Variants in FOXP1 observed in about 807,000 individuals in gnomAD.
The protein encoded by FOXP1 is forkhead box P1.
In FOXP1, 15 loss-of-function variants were observed where a neutral mutation model predicts 98.2. The ratio of observed to expected loss-of-function variants is 0.15; its 90% CI spans 0.10 to 0.24. The LOEUF is 0.24. FOXP1 is among the 10% of genes least tolerant of loss of function. FOXP1 has a pLI of 1.00. For missense variants in FOXP1, 633 were observed against 848.5 expected (o/e 0.75, Z 3.15); for synonymous variants, 371 against 314.5 (o/e 1.18, Z -1.90).
At chr3:71,379,688 T>C (rs2079996629) in intron 3 of FOXP1, among the ~76,000 whole-genome samples, 1 of 152,216 alleles carries the variant, frequency 6.6e-6, no homozygotes, top group Non-Finnish European at 1.5e-5. Context: ...TGTCCATAAA[T>C]GGAGTTTTGT....
chr3:71,189,213 A>C (rs551245934), intron 6 of FOXP1, among the ~76,000 whole-genome samples: 60 of 152,212 alleles, frequency 3.9e-4, no homozygotes, highest in African/African-American at 1.4e-3. Context: ...CCACCTTAAA[A>C]ACAAAGTCAT....
rs1560423696 is a variant in FOXP1 at position 71,396,922 on chromosome 3, A to ATATATATATACACATATATATGTGTGTG, written c.-167-37679_-167-37678insCACACACATATATATGTGTATATATATA. ...ATAAGGAACATATATATGTGTGTAT[A>ATATATATATACACATATATATGTGTGTG]TATATATATATACACATATATATAT... On this transcript the variant is annotated intron_variant, in intron 3 of 20. Transcript: ENST00000649528. Among the ~76,000 whole-genome samples the ATATATATATACACATATATATGTGTGTG allele has an allele frequency of 7.1e-4, 69 of 97,568 alleles. 26 individuals carry two copies. Among genetic ancestry groups the ATATATATATACACATATATATGTGTGTG allele is most frequent in the Middle Eastern group, 9.5e-3 (2 of 210 alleles). The allele number at this position is 97,568 out of a possible 152,430, so 64.0% of individuals were successfully genotyped here. A position where few individuals can be genotyped will look rare whatever the true frequency, so the allele number is the denominator to read the frequency against.
intron 3 of FOXP1, among the ~76,000 whole-genome samples, chr3:71,436,611 T>C (rs1235902568): frequency 1.3e-5 from 2 of 152,038 alleles, no homozygotes; most frequent in African/African-American, 2.4e-5. Flanking sequence ...CTGACTCACA[T>C]AGGCCCTTAT....
At chr3:71,560,074 C>G (rs537272300) in intron 2 of FOXP1, among the ~76,000 whole-genome samples, 6 of 152,238 alleles carry the variant, frequency 3.9e-5, no homozygotes, top group South Asian at 2.1e-4. Context: ...GCAGCCACCC[C>G]CTGACAACAC....
chr3:71,007,693 G>A (rs554004025), intron 12 of FOXP1, among the ~76,000 whole-genome samples: 1 of 152,250 alleles, frequency 6.6e-6, no homozygotes, highest in Admixed American at 6.5e-5. Context: ...TAAACAAGAT[G>A]TTACCATGAT....
intron 5 of FOXP1, among the ~76,000 whole-genome samples, chr3:71,266,321 C>T (rs2069653942): frequency 6.6e-6 from 1 of 152,146 alleles, no homozygotes; most frequent in South Asian, 2.1e-4. Context: ...TTGATCTCAG[C>T]TCACTGCAAC....
chr3:71,472,207 C>A (rs1319706489), intron 3 of FOXP1, among the ~76,000 whole-genome samples: 2 of 151,934 alleles, frequency 1.3e-5, no homozygotes, highest in African/African-American at 4.8e-5. Context: ...TTTGTTTTTA[C>A]CTCCTCAGGA....
intron 11 of FOXP1, among the ~76,000 whole-genome samples, chr3:71,019,323 G>T (rs1325979073): frequency 6.6e-6 from 1 of 152,150 alleles, no homozygotes; most frequent in Non-Finnish European, 1.5e-5. Flanking sequence ...TCACCAATGT[G>T]TAAAGTATCA....
chr3:71,575,420 A>G (rs2047650816), intron 2 of FOXP1, among the ~76,000 whole-genome samples: 1 of 152,158 alleles, frequency 6.6e-6, no homozygotes, highest in African/African-American at 2.4e-5. Flanking sequence ...ATTCTGACTC[A>G]AGGATCTGTA....
At chr3:71,504,824 G>A (rs1393395068) in intron 2 of FOXP1, among the ~76,000 whole-genome samples, 1 of 152,188 alleles carries the variant, frequency 6.6e-6, no homozygotes, top group East Asian at 1.9e-4. Context: ...GCGGTCGTAG[G>A]ACTTTTGGAT....
intron 2 of FOXP1, among the ~76,000 whole-genome samples, chr3:71,544,354 G>C (rs551129271): frequency 5.0e-4 from 73 of 147,166 alleles, no homozygotes; most frequent in Non-Finnish European, 9.3e-4. Context: ...TTAAAAAGAT[G>C]TATCAAAGGA....
intron 3 of FOXP1, among the ~76,000 whole-genome samples, chr3:71,396,827 T>C (rs1019439930): frequency 6.7e-6 from 1 of 148,338 alleles, no homozygotes; most frequent in African/African-American, 2.5e-5. Context: ...CTAAGTGTTT[T>C]ATTTCTCCGA....
chr3:71,498,064 A>T (rs146483079), intron 2 of FOXP1, among the ~76,000 whole-genome samples: 124 of 152,306 alleles, frequency 8.1e-4, no homozygotes, highest in African/African-American at 2.8e-3. Context: ...AGTGGCTACT[A>T]AGTCCTTTCC....
At chr3:71,372,066 G>C (rs1339215943) in intron 3 of FOXP1, among the ~76,000 whole-genome samples, 2 of 150,638 alleles carry the variant, frequency 1.3e-5, no homozygotes, top group Non-Finnish European at 3.0e-5. Context: ...AGGCTGGAGT[G>C]CAGTGGCACG....
intron 3 of FOXP1, among the ~76,000 whole-genome samples, chr3:71,436,633 G>A (rs1249762840): frequency 1.3e-5 from 2 of 151,898 alleles, no homozygotes. Flanking sequence ...ATACTAACAA[G>A]AAAAGAACAA....
At chr3:71,330,642 T>C (rs2076234545) in intron 4 of FOXP1, among the ~76,000 whole-genome samples, 2 of 152,166 alleles carry the variant, frequency 1.3e-5, no homozygotes. Context: ...AAGACATGAG[T>C]GCCCAATAAT....
intron 2 of FOXP1, among the ~76,000 whole-genome samples, chr3:71,562,463 C>T (rs1201821262): frequency 1.3e-5 from 2 of 152,148 alleles, no homozygotes; most frequent in Non-Finnish European, 2.9e-5. Flanking sequence ...GGCTCAGTAT[C>T]TACTGAACTA....
At chr3:71,469,905 C>T (rs1023436610) in intron 3 of FOXP1, among the ~76,000 whole-genome samples, 2 of 152,116 alleles carry the variant, frequency 1.3e-5, no homozygotes, top group Non-Finnish European at 2.9e-5. Context: ...TTCAAAGCAA[C>T]ACCTATAGGC....
chr3:71,579,719 C>T (rs1367266097), intron 2 of FOXP1, among the ~76,000 whole-genome samples: 1 of 139,888 alleles, frequency 7.1e-6, no homozygotes, highest in Non-Finnish European at 1.5e-5. Context: ...ATCTTCTAAA[C>T]TCAATGTGAG....
Sources: gnomAD v4.1 joint callset for allele counts (sites outside exome capture counted in the v4.1 genomes callset) on GRCh38, gnomAD v4.1.1 for gene constraint, MANE v1.5 for transcripts, NCBI Gene and HGNC (gene_info 2026-07-23, HGNC 2026-07-21) for gene names.